The following SEMA6D variants were observed in gnomAD, a reference collection of about 807,000 sequenced individuals.
SEMA6D encodes the protein semaphorin-6D.
A neutral mutation model predicts 106.6 loss-of-function variants in SEMA6D; 35 were observed. The ratio of observed to expected loss-of-function variants is 0.33; its 90% CI spans 0.25 to 0.44. The LOEUF is 0.44. Ranked by LOEUF, SEMA6D falls within the 20% of genes least tolerant of loss-of-function variation. SEMA6D has a pLI of 1.00. For missense variants in SEMA6D, 1,185 were observed against 1,345.9 expected, an observed-to-expected ratio of 0.88 and a Z score of 1.87; for synonymous variants, 499 against 487.7, an observed-to-expected ratio of 1.02 and a Z score of -0.31.
chr15:47,228,915 A>G (rs1027797347), intron 1 of SEMA6D, among the ~76,000 whole-genome samples: 1 of 152,036 alleles, frequency 6.6e-6, no homozygotes, highest in African/African-American at 2.4e-5. Flanking sequence ...CAGCTCCTAG[A>G]AAATTGCCTT....
Position 47,730,164 on chromosome 15 carries a change from C to A in SEMA6D, c.-55+12472C>A, listed in dbSNP as rs534907706. 40 of 1,509,360 alleles carry A rather than the reference C, an allele frequency of 2.7e-5. 1 individual carries two copies. The Admixed American group carries it at 5.2e-4, about 20-fold the overall frequency. 93.5% of individuals were successfully genotyped at this position (1,509,360 alleles called of 1,614,324 possible). A position where few individuals can be genotyped will look rare whatever the true frequency, so the allele number is the denominator to read the frequency against. ...ATTTAACCCAATTTAGTGGCAAGTT[C>A]TTTAGCCTTTGCCTTTTCGAGCTTG... On this transcript the variant is annotated intron_variant, in intron 1 of 18. Transcript: ENST00000536845.
At chr15:47,685,598 C>T (rs959985104) in intron 4 of SEMA6D, among the ~76,000 whole-genome samples, 2 of 152,070 alleles carry the variant, frequency 1.3e-5, no homozygotes, top group African/African-American at 4.8e-5. Context: ...GCCACATGAC[C>T]CCCTTCAAGA....
chr15:47,368,415 C>G (rs2039141047), intron 1 of SEMA6D, among the ~76,000 whole-genome samples: 1 of 152,238 alleles, frequency 6.6e-6, no homozygotes, highest in Non-Finnish European at 1.5e-5. Context: ...CCAGGCCACT[C>G]TTTTGGATAT....
chr15:47,611,148 TACAC>T (rs71432248), intron 4 of SEMA6D, among the ~76,000 whole-genome samples: 5,881 of 141,580 alleles, frequency 0.042, 133 homozygotes, highest in African/African-American at 0.065. Flanking sequence ...CCGTCCTACA[TACAC>T]ACACACACAC....
intron 4 of SEMA6D, among the ~76,000 whole-genome samples, chr15:47,646,426 C>T (rs909721088): frequency 6.6e-6 from 1 of 152,088 alleles, no homozygotes; most frequent in Non-Finnish European, 1.5e-5. Flanking sequence ...AGAAATATCT[C>T]CATTTTTAAA....
At chr15:47,754,436 A>G (rs2081604237) in intron 1 of SEMA6D, among the ~76,000 whole-genome samples, 1 of 152,096 alleles carries the variant, frequency 6.6e-6, no homozygotes. Context: ...TAGGCTGGAA[A>G]TTTATTTTCT....
intron 3 of SEMA6D, among the ~76,000 whole-genome samples, chr15:47,479,478 A>C: frequency 6.6e-6 from 1 of 152,174 alleles, no homozygotes; most frequent in East Asian, 1.9e-4. Flanking sequence ...TAGTAATACT[A>C]ATAAATGTAT....
intron 2 of SEMA6D, among the ~76,000 whole-genome samples, chr15:47,414,712 A>G (rs16959430): frequency 0.1 from 15,343 of 152,232 alleles, 1,081 homozygotes; most frequent in East Asian, 0.28. Context: ...GTAGAGAACT[A>G]AGGACCATAC....
chr15:47,616,110 T>TCTCACC (rs1410760200), intron 4 of SEMA6D, among the ~76,000 whole-genome samples: 5 of 152,096 alleles, frequency 3.3e-5, no homozygotes, highest in African/African-American at 1.2e-4. Context: ...TTTACCGATC[T>TCTCACC]CTCACCCTCT....
chr15:47,555,337 G>A (rs555340620), intron 3 of SEMA6D, among the ~76,000 whole-genome samples: 1 of 152,142 alleles, frequency 6.6e-6, no homozygotes, highest in Non-Finnish European at 1.5e-5. Context: ...TAAATTCTCA[G>A]TTCCCAGGCC....
intron 1 of SEMA6D, among the ~76,000 whole-genome samples, chr15:47,385,086 G>A (rs1294321965): frequency 2.2e-5 from 3 of 133,772 alleles, no homozygotes; most frequent in Non-Finnish European, 4.7e-5. Context: ...TCATAAGGCA[G>A]CGTTCTGACT....
At chr15:47,575,675 C>T (rs183216050) in intron 3 of SEMA6D, among the ~76,000 whole-genome samples, 42 of 152,016 alleles carry the variant, frequency 2.8e-4, no homozygotes, top group Middle Eastern at 3.4e-3. Flanking sequence ...GCTGAGATTG[C>T]GCCACTGCAC....
intron 1 of SEMA6D, among the ~76,000 whole-genome samples, chr15:47,335,221 G>T (rs1023990646): frequency 3.5e-4 from 53 of 152,102 alleles, no homozygotes; most frequent in Non-Finnish European, 3.2e-4. Flanking sequence ...TGAGGAACCT[G>T]TTTTAAAATA....
intron 3 of SEMA6D, among the ~76,000 whole-genome samples, chr15:47,500,133 T>C (rs2043802550): frequency 6.6e-6 from 1 of 152,158 alleles, no homozygotes; most frequent in Admixed American, 6.5e-5. Flanking sequence ...AGAATGACCC[T>C]CCTGATGAAA....
chr15:47,558,845 A>G (rs557380903), intron 3 of SEMA6D, among the ~76,000 whole-genome samples: 1 of 152,118 alleles, frequency 6.6e-6, no homozygotes, highest in African/African-American at 2.4e-5. Context: ...ATTTCCAAAA[A>G]TAATGGCAAA....
chr15:47,555,443 C>T (rs2045888502), intron 3 of SEMA6D, among the ~76,000 whole-genome samples: 1 of 152,146 alleles, frequency 6.6e-6, no homozygotes. Context: ...CCCTTGCATA[C>T]AATACGTTTC....
chr15:47,454,939 C>G (rs1309133538), intron 2 of SEMA6D, among the ~76,000 whole-genome samples: 1 of 151,784 alleles, frequency 6.6e-6, no homozygotes, highest in African/African-American at 2.4e-5. Context: ...CTAACTGGAT[C>G]CTGTAGGCGT....
intron 3 of SEMA6D, among the ~76,000 whole-genome samples, chr15:47,541,348 C>T (rs1295715007): frequency 6.6e-6 from 1 of 152,092 alleles, no homozygotes; most frequent in Non-Finnish European, 1.5e-5. Context: ...TCAGCATAAA[C>T]AATAATCCCC....
intron 1 of SEMA6D, among the ~76,000 whole-genome samples, chr15:47,366,017 A>C (rs420095): frequency 0.067 from 10,217 of 152,240 alleles, 494 homozygotes; most frequent in Non-Finnish European, 0.099. Context: ...TACATTTAGG[A>C]GATGTTTGAC....
Sources: gnomAD v4.1 joint callset for allele counts (sites outside exome capture counted in the v4.1 genomes callset) on GRCh38, gnomAD v4.1.1 for gene constraint, MANE v1.5 for transcripts, NCBI Gene and HGNC (gene_info 2026-07-23, HGNC 2026-07-21) for gene names.